The following ARFIP1 variants were observed in gnomAD, a reference collection of about 807,000 sequenced individuals.
ARFIP1 encodes arfaptin-1.
Under a neutral mutation model 42.5 loss-of-function variants are expected in ARFIP1, and 24 were observed. That is an observed-to-expected ratio of 0.57 (90% confidence interval 0.41 to 0.80). The LOEUF is 0.80. ARFIP1 is among the 30% of genes least tolerant of loss of function. ARFIP1 has a pLI of 0.00. For missense variants in ARFIP1, 354 were observed against 434.0 expected (o/e 0.82, Z 1.64); for synonymous variants, 141 against 153.7 (o/e 0.92, Z 0.61).
At chr4:152,812,270 CG>C (rs1480894872) in intron 1 of ARFIP1, among the ~76,000 whole-genome samples, 1 of 152,228 alleles carries the variant, frequency 6.6e-6, no homozygotes, top group African/African-American at 2.4e-5. Flanking sequence ...TCATGGCTCA[CG>C]GCAACTGTGA....
intron 1 of ARFIP1, among the ~76,000 whole-genome samples, chr4:152,816,371 C>G (rs1729888451): frequency 6.6e-6 from 1 of 152,206 alleles, no homozygotes; most frequent in South Asian, 2.1e-4. Context: ...TGTCTTCCCT[C>G]AAACCACCTG....
intron 1 of ARFIP1, among the ~76,000 whole-genome samples, chr4:152,812,046 T>C (rs1729507500): frequency 6.6e-6 from 1 of 152,282 alleles, no homozygotes; most frequent in Admixed American, 6.5e-5. Context: ...TATCATTGTC[T>C]TTCTGATTTT....
At chr4:152,840,583 T>C (rs1258089520) in intron 2 of ARFIP1, among the ~76,000 whole-genome samples, 1 of 152,256 alleles carries the variant, frequency 6.6e-6, no homozygotes, top group Non-Finnish European at 1.5e-5. Context: ...TGCTCGCTTT[T>C]TGTGTGCATT....
At chr4:152,872,674 C>A in intron 5 of ARFIP1, 110 bp downstream of exon 5, 1 of 551,556 alleles carries the variant, frequency 1.8e-6, no homozygotes, top group Non-Finnish European at 3.1e-6. Flanking sequence ...GAGAAAATGC[C>A]ATCTAAACAT....
intron 2 of ARFIP1, among the ~76,000 whole-genome samples, chr4:152,838,043 C>G (rs1731790845): frequency 6.6e-6 from 1 of 152,132 alleles, no homozygotes; most frequent in Non-Finnish European, 1.5e-5. Flanking sequence ...TGCCCTTTCC[C>G]CACTTTATGT....
At chr4:152,838,509 C>T (rs994132138) in intron 2 of ARFIP1, among the ~76,000 whole-genome samples, 8 of 151,204 alleles carry the variant, frequency 5.3e-5, no homozygotes, top group African/African-American at 9.7e-5. Context: ...AAGTATATTC[C>T]GAAGTATTTT....
At chr4:152,804,296 TATATTA>T (rs1485567419) in intron 1 of ARFIP1, among the ~76,000 whole-genome samples, 2 of 68,966 alleles carry the variant, frequency 2.9e-5, no homozygotes, top group African/African-American at 1.4e-4. Context: ...ATGTATTATA[TATATTA>T]TATATATATA....
intron 2 of ARFIP1, among the ~76,000 whole-genome samples, chr4:152,845,327 A>T (rs1732447310): frequency 6.6e-6 from 1 of 152,220 alleles, no homozygotes; most frequent in Admixed American, 6.5e-5. Flanking sequence ...AATCCTCAAA[A>T]GAAATGGCAA....
At chr4:152,791,283 G>C (rs1461739632) in intron 1 of ARFIP1, among the ~76,000 whole-genome samples, 1 of 152,180 alleles carries the variant, frequency 6.6e-6, no homozygotes, top group Non-Finnish European at 1.5e-5. Context: ...TAAGGAAAAT[G>C]ATTCGTTTTT....
At chr4:152,825,332 G>A (rs184067624) in intron 1 of ARFIP1, among the ~76,000 whole-genome samples, 3 of 152,240 alleles carry the variant, frequency 2.0e-5, no homozygotes, top group Admixed American at 2.0e-4. Flanking sequence ...CCAAAACAGT[G>A]TGGTACTGGC....
At position 152,867,528 on chromosome 4, in the gene ARFIP1, G is replaced by A. The variant is rs567164455; in HGVS notation, c.203-3225G>A. On this transcript the variant is annotated intron_variant, in intron 3 of 8. Coordinates refer to ENST00000353617, the MANE Select transcript of ARFIP1 (RefSeq NM_001025595.3). ...AGACCGTGGGGAGAGGGAGAGAGGT[G>A]AGACGGGAGAGGGGAGAGGGGAGAG... 7.9e-5 allele frequency among the ~76,000 whole-genome samples: 12 copies of A among 151,900 alleles called. No homozygotes were observed. The East Asian group carries it at 1.4e-3, about 17-fold the overall frequency.
intron 1 of ARFIP1, among the ~76,000 whole-genome samples, chr4:152,806,275 G>C (rs761823498): frequency 3.4e-4 from 51 of 152,180 alleles, no homozygotes; most frequent in Non-Finnish European, 5.0e-4. Context: ...GAGAGTATTA[G>C]TGTAATTTAT....
At chr4:152,869,854 CTTAG>C (rs1185484396) in intron 3 of ARFIP1, among the ~76,000 whole-genome samples, 1 of 152,166 alleles carries the variant, frequency 6.6e-6, no homozygotes, top group Non-Finnish European at 1.5e-5. Context: ...GAATTTAAAA[CTTAG>C]TTGTGTTTCA....
At chr4:152,878,857 A>G (rs1735585309) in intron 5 of ARFIP1, among the ~76,000 whole-genome samples, 1 of 152,240 alleles carries the variant, frequency 6.6e-6, no homozygotes, top group Non-Finnish European at 1.5e-5. Flanking sequence ...CTGTTGTGAC[A>G]GTACCACATG....
chr4:152,867,692 T>C (rs992531316), intron 3 of ARFIP1, among the ~76,000 whole-genome samples: 1 of 152,226 alleles, frequency 6.6e-6, no homozygotes, highest in Non-Finnish European at 1.5e-5. Flanking sequence ...TGAACTGATA[T>C]ACATGAGCAT....
At chr4:152,813,598 G>A (rs1336249312) in intron 1 of ARFIP1, among the ~76,000 whole-genome samples, 1 of 152,074 alleles carries the variant, frequency 6.6e-6, no homozygotes, top group African/African-American at 2.4e-5. Flanking sequence ...TGCCATAGGA[G>A]TACAGTATAT....
chr4:152,824,666 C>T (rs1291089457), intron 1 of ARFIP1, among the ~76,000 whole-genome samples: 1 of 152,114 alleles, frequency 6.6e-6, no homozygotes, highest in Non-Finnish European at 1.5e-5. Flanking sequence ...TTCTATTCAA[C>T]ATATTATAGT....
intron 5 of ARFIP1, among the ~76,000 whole-genome samples, chr4:152,877,187 C>T (rs554850480): frequency 2.6e-5 from 4 of 152,252 alleles, no homozygotes; most frequent in Admixed American, 1.3e-4. Flanking sequence ...GCACCGTGTA[C>T]GTGGAAAAGC....
At chr4:152,823,495 T>A (rs1345674118) in intron 1 of ARFIP1, among the ~76,000 whole-genome samples, 1 of 152,104 alleles carries the variant, frequency 6.6e-6, no homozygotes. Context: ...ATGATACCAG[T>A]TCTGGCTGGG....
Sources: allele counts gnomAD v4.1 joint callset (sites outside exome capture counted in the v4.1 genomes callset), GRCh38; gene constraint gnomAD v4.1.1; transcripts MANE v1.5; gene names NCBI Gene and HGNC (gene_info 2026-07-23, HGNC 2026-07-21).